The following LRP2 variants were observed in gnomAD, a reference collection of about 807,000 sequenced individuals.
LRP2 encodes the protein LDL receptor related protein 2, also known as low-density lipoprotein receptor-related protein 2.
LRP2 carries 172 observed loss-of-function variants against 531.0 expected under a neutral mutation model. The ratio of observed to expected loss-of-function variants is 0.32; its 90% CI spans 0.29 to 0.37. LRP2 has a LOEUF of 0.37. Ranked by LOEUF, LRP2 falls within the 10% of genes least tolerant of loss-of-function variation. The probability of loss-of-function intolerance (pLI) is 1.00; values close to 1 mark genes in which losing one functional copy is unlikely to be tolerated. For synonymous variants in LRP2, 1,992 were observed against 2,027.6 expected, an observed-to-expected ratio of 0.98 and a Z score of 0.47; for missense variants, 5,167 against 5,868.3, an observed-to-expected ratio of 0.88 and a Z score of 3.90.
rs906114722 is a variant in LRP2, at chr2:169,299,119, G to A, written c.428-4409C>T. Among the ~76,000 whole-genome samples the A allele has an allele frequency of 1.5e-3, 128 of 85,562 alleles. 2 individuals are homozygous for A. Among genetic ancestry groups the A allele is most frequent in the African/African-American group, 5.3e-3 (126 of 23,554 alleles). The allele number at this position is 85,562 out of a possible 152,430, so 56.1% of individuals were successfully genotyped here. A position where few individuals can be genotyped will look rare whatever the true frequency, so the allele number is the denominator to read the frequency against. On this transcript the variant is annotated intron_variant, in intron 4 of 78. Transcript: ENST00000649046. ...AGAAAGAAAGAAAGAAAGAAAGAAA[G>A]AAAGAAAGAAAGAAAGAAAGAAAGA... is the stretch of plus-strand genomic sequence containing the variant.
intron 24 of LRP2, among the ~76,000 whole-genome samples, chr2:169,242,464 T>G (rs1689843032): frequency 6.6e-6 from 1 of 152,234 alleles, no homozygotes; most frequent in Admixed American, 6.5e-5. Context: ...CTTAATTGTC[T>G]CTTGCCTTCT....
At chr2:169,318,670 A>G in intron 3 of LRP2, 92 bp downstream of exon 3, 1 of 1,569,134 alleles carries the variant, frequency 6.4e-7, no homozygotes, top group South Asian at 1.1e-5. Context: ...CCACATTTAT[A>G]AAGAATCATC....
intron 9 of LRP2, among the ~76,000 whole-genome samples, chr2:169,287,013 A>C (rs1052067324): frequency 2.6e-5 from 4 of 152,216 alleles, no homozygotes; most frequent in Non-Finnish European, 5.9e-5. Context: ...CTAAAGACAC[A>C]GGAGTGGCCT....
At chr2:169,269,243 GA>G (rs1270325922) in intron 16 of LRP2, among the ~76,000 whole-genome samples, 2 of 152,036 alleles carry the variant, frequency 1.3e-5, no homozygotes, top group South Asian at 2.1e-4. Flanking sequence ...CACAGAATTG[GA>G]AAAAACTACT....
Position 169,196,940 on chromosome 2 carries a change from A to G in LRP2, c.8669T>C (p.Phe2890Ser), listed in dbSNP as rs758120229. 2.5e-6 allele frequency: 4 copies of G among 1,614,230 alleles called. No homozygotes were observed. Among genetic ancestry groups the G allele is most frequent in the Non-Finnish European group, 2.5e-6 (3 of 1,180,032 alleles). ...AGAGGCAGGTTCATCAGAGGCATCAAAACAATCTGTTTCTTGATCACAATA... is the reference window on the plus strand; with the variant it reads ...AGAGGCAGGTTCATCAGAGGCATCAGAACAATCTGTTTCTTGATCACAATA... Reference protein sequence around the residue: ...HWYCDQETDCFDASDEPASCG... With the variant: ...HWYCDQETDCSDASDEPASCG... Residue 2890 changes from phenylalanine to serine, a missense_variant, in exon 46 of 79, where the codon TTT becomes TCT. Phe to Ser is a radical substitution (Grantham distance 155). Coordinates refer to ENST00000649046, the MANE Select transcript of LRP2 (RefSeq NM_004525.3).
intron 4 of LRP2, among the ~76,000 whole-genome samples, chr2:169,305,394 C>G (rs1165201605): frequency 2.0e-5 from 3 of 152,168 alleles, no homozygotes; most frequent in Non-Finnish European, 4.4e-5. Flanking sequence ...ACCCTAGTCA[C>G]AGCACCATAT....
At chr2:169,156,118 G>A (rs773770185) in intron 65 of LRP2, among the ~76,000 whole-genome samples, 156 bp downstream of exon 65, 4 of 151,882 alleles carry the variant, frequency 2.6e-5, no homozygotes, top group Non-Finnish European at 5.9e-5. Context: ...GAGAAGGAGC[G>A]ACTAAAGAGG....
At chr2:169,346,722 A>T (rs1038526152) in intron 1 of LRP2, among the ~76,000 whole-genome samples, 5 of 152,206 alleles carry the variant, frequency 3.3e-5, no homozygotes, top group Non-Finnish European at 5.9e-5. Context: ...AATAGTAATC[A>T]TTATGGTCTA....
intron 3 of LRP2, among the ~76,000 whole-genome samples, chr2:169,314,993 T>C (rs980656387): frequency 3.9e-5 from 6 of 152,218 alleles, no homozygotes; most frequent in African/African-American, 1.4e-4. Context: ...CAGTGCTCGT[T>C]CAATTACCTT....
intron 1 of LRP2, among the ~76,000 whole-genome samples, chr2:169,325,480 C>T (rs1685024328): frequency 6.6e-6 from 1 of 152,190 alleles, no homozygotes; most frequent in Non-Finnish European, 1.5e-5. Context: ...AGACATCCTT[C>T]TGATATTCAT....
intron 67 of LRP2, 137 bp from the exon 68 acceptor site, chr2:169,151,163 C>CAAGAGAGGGGGACTA: frequency 1.1e-6 from 1 of 919,966 alleles, no homozygotes; most frequent in Non-Finnish European, 1.8e-6. Context: ...CATAGTCCCC[C>CAAGAGAGGGGGACTA]TCTCTTGGGG....
chr2:169,345,366 A>C (rs910998297), intron 1 of LRP2, among the ~76,000 whole-genome samples: 1 of 152,162 alleles, frequency 6.6e-6, no homozygotes, highest in African/African-American at 2.4e-5. Context: ...GCTTACCGTG[A>C]GTGTCATTTT....
In LRP2 at chr2:169,170,665, G is replaced by C. The variant is rs1686963573; in HGVS notation, c.11266C>G (p.Pro3756Ala). The part of the protein sequence containing the change: ...GDNSDEENCA[P>A]RECTESEFRC... ...AACTCGCTCTCTGTGCACTCCCGGGGAGCTGGAAAGGAAAGGCACCTGGCC... is the reference window on the plus strand; with the variant it reads ...AACTCGCTCTCTGTGCACTCCCGGGCAGCTGGAAAGGAAAGGCACCTGGCC... Residue 3756 changes from proline (P) to alanine (A), a missense_variant and splice_region_variant, in exon 59 of 79, where the codon CCC becomes GCC. By Grantham distance (27) the Pro-to-Ala change is conservative. Transcript: ENST00000649046. 1 of 1,611,264 alleles carries C rather than the reference G, an allele frequency of 6.2e-7. No individual in the cohort carries two copies. Among genetic ancestry groups the C allele is most frequent in the Non-Finnish European group, 8.5e-7 (1 of 1,177,390 alleles).
intron 16 of LRP2, among the ~76,000 whole-genome samples, chr2:169,267,562 C>A (rs2544389): frequency 1.3e-5 from 2 of 152,208 alleles, no homozygotes; most frequent in African/African-American, 4.8e-5. Context: ...ACCAATGAGA[C>A]CAAAGACACA....
chr2:169,317,502 A>G (rs1684795543), intron 3 of LRP2, among the ~76,000 whole-genome samples: 1 of 152,204 alleles, frequency 6.6e-6, no homozygotes, highest in African/African-American at 2.4e-5. Flanking sequence ...AGAGCAAAAA[A>G]GTGAGAAAAA....
chr2:169,350,017 G>A (rs1013255361), intron 1 of LRP2, among the ~76,000 whole-genome samples: 2 of 152,208 alleles, frequency 1.3e-5, no homozygotes. Flanking sequence ...TGCAATCGTC[G>A]AGGCAAGAGA....
intron 5 of LRP2, 60 bp downstream of exon 5, chr2:169,294,540 T>C: frequency 8.1e-7 from 1 of 1,241,648 alleles, no homozygotes; most frequent in African/African-American, 1.5e-5. Flanking sequence ...ATATTGGCTC[T>C]CTCAAACCAG....
intron 55 of LRP2, among the ~76,000 whole-genome samples, chr2:169,174,675 A>AT (rs1482264989): frequency 6.6e-6 from 1 of 151,920 alleles, no homozygotes; most frequent in African/African-American, 2.4e-5. Flanking sequence ...TGCCAGGCTA[A>AT]TTTTTTGTAT....
In LRP2 at chr2:169,181,514, T is replaced by C; in HGVS notation, c.10103A>G (p.Asn3368Ser). The change falls in exon 52 of 79, where the codon AAT becomes AGT. Residue 3368 changes from asparagine (N) to serine (S), a missense_variant. Transcript: ENST00000649046. ...VIISTKLEWP[N>S]GITIDYTNDL... is the part of the protein sequence containing the mutation. ...ATTGGTGTAATCAATGGTGATGCCA[T>C]TAGGCCACTCTAACTTGGTGGAGAT... 1 of 1,614,172 alleles carries C rather than the reference T, an allele frequency of 6.2e-7. No homozygotes were observed. The highest frequency in any genetic ancestry group is 8.5e-7 in the Non-Finnish European group (1 of 1,179,994).
Sources: allele counts gnomAD v4.1 joint callset (sites outside exome capture counted in the v4.1 genomes callset), GRCh38; gene constraint gnomAD v4.1.1; transcripts MANE v1.5; gene names NCBI Gene and HGNC (gene_info 2026-07-23, HGNC 2026-07-21).